Variants in SYN3 observed in about 807,000 individuals in gnomAD.
The protein encoded by SYN3 is synapsin-3.
In SYN3, 35 loss-of-function variants were observed where a neutral mutation model predicts 65.8. The observed-to-expected ratio is 0.53, with a 90% confidence interval of 0.41 to 0.70. The LOEUF is 0.70. Among genes scored for constraint, SYN3 ranks in the 30% least tolerant of loss-of-function variants. SYN3 has a pLI of 0.00. For missense variants in SYN3, 680 were observed against 749.0 expected (o/e 0.91, Z 1.08); for synonymous variants, 270 against 292.9 (o/e 0.92, Z 0.80).
chr22:32,943,709 C>T (rs956272753), intron 3 of SYN3, among the ~76,000 whole-genome samples: 18 of 152,216 alleles, frequency 1.2e-4, no homozygotes, highest in African/African-American at 3.1e-4. Context: ...ACCCATCTCA[C>T]GTGCAGAGAC....
At chr22:32,613,559 A>G (rs1179193172) in intron 6 of SYN3, among the ~76,000 whole-genome samples, 1 of 152,142 alleles carries the variant, frequency 6.6e-6, no homozygotes, top group Non-Finnish European at 1.5e-5. Context: ...CGTTTATTTG[A>G]GTTCCGTGAG....
chr22:32,789,219 T>C (rs117591009), intron 6 of SYN3, among the ~76,000 whole-genome samples: 275 of 152,348 alleles, frequency 1.8e-3, no homozygotes, highest in Middle Eastern at 3.4e-3. Context: ...TCTCCCCTTC[T>C]TTCCTCCTGA....
At chr22:32,812,282 T>C (rs1473401873) in intron 6 of SYN3, among the ~76,000 whole-genome samples, 1 of 152,236 alleles carries the variant, frequency 6.6e-6, no homozygotes, top group African/African-American at 2.4e-5. Flanking sequence ...GTTAGAAATA[T>C]GGTCTATTAA....
chr22:32,832,240 C>A (rs2047594067), intron 6 of SYN3, among the ~76,000 whole-genome samples: 1 of 152,166 alleles, frequency 6.6e-6, no homozygotes. Flanking sequence ...TAGAACATAG[C>A]AAACAGGAAG....
At chr22:32,800,986 T>A (rs2046556998) in intron 6 of SYN3, among the ~76,000 whole-genome samples, 1 of 152,214 alleles carries the variant, frequency 6.6e-6, no homozygotes, top group Non-Finnish European at 1.5e-5. Context: ...AAAATCACCC[T>A]GTGCATTCAT....
chr22:32,729,430 A>G (rs1489467570), intron 6 of SYN3, among the ~76,000 whole-genome samples: 1 of 152,176 alleles, frequency 6.6e-6, no homozygotes, highest in Non-Finnish European at 1.5e-5. Context: ...ACACATAATT[A>G]CAGCTGGTCA....
chr22:32,783,084 G>A (rs946998532), intron 6 of SYN3: 2 of 152,194 alleles, frequency 1.3e-5, no homozygotes, highest in African/African-American at 4.8e-5. Flanking sequence ...CCACAGCAGA[G>A]AACTAAGCTC....
intron 6 of SYN3, among the ~76,000 whole-genome samples, chr22:32,616,836 C>CAGTG (rs779463661): frequency 1.3e-5 from 2 of 152,146 alleles, no homozygotes; most frequent in Non-Finnish European, 2.9e-5. Flanking sequence ...GTATCATGGA[C>CAGTG]AGTGCATAGG....
chr22:33,009,866 A>G (rs1052573002), intron 1 of SYN3, among the ~76,000 whole-genome samples: 8 of 151,984 alleles, frequency 5.3e-5, no homozygotes, highest in Non-Finnish European at 1.0e-4. Flanking sequence ...TGATAAACAG[A>G]AACTTTTATT....
At chr22:32,589,616 C>T (rs537701467) in intron 7 of SYN3, among the ~76,000 whole-genome samples, 1 of 152,200 alleles carries the variant, frequency 6.6e-6, no homozygotes, top group Non-Finnish European at 1.5e-5. Flanking sequence ...GGGGGCAGTC[C>T]AGTAAGATGT....
chr22:32,668,189 T>C (rs1291475189), intron 6 of SYN3, among the ~76,000 whole-genome samples: 6 of 152,196 alleles, frequency 3.9e-5, no homozygotes. Context: ...AATCACCTCA[T>C]AGATGCAGAA....
chr22:32,572,642 G>A (rs2058794771), intron 7 of SYN3, among the ~76,000 whole-genome samples: 1 of 150,368 alleles, frequency 6.7e-6, no homozygotes, highest in Non-Finnish European at 1.5e-5. Flanking sequence ...GAGTACAATG[G>A]TGCAATGATA....
chr22:32,749,654 A>G (rs138067836), intron 6 of SYN3, among the ~76,000 whole-genome samples: 79 of 152,262 alleles, frequency 5.2e-4, no homozygotes, highest in Non-Finnish European at 1.0e-3. Flanking sequence ...AACAACAACA[A>G]CAACAAAAAT....
chr22:32,940,052 G>A (rs1601740003), intron 3 of SYN3, among the ~76,000 whole-genome samples: 1 of 152,204 alleles, frequency 6.6e-6, no homozygotes, highest in Non-Finnish European at 1.5e-5. Flanking sequence ...TTCTTCAGGT[G>A]GGTTGTGTAG....
Position 32,857,894 on chromosome 22 carries a change from A to C in SYN3, c.711+7021T>G, listed in dbSNP as rs2048416447. On this transcript the variant is annotated intron_variant, in intron 6 of 13. Transcript: ENST00000358763. ...GTGTTGGGTAGGGTGAAATAAAATC[A>C]TGGGTCTGAAAAGTACCCAGCCACA... 2.1e-6 allele frequency: 3 copies of C among 1,439,482 alleles called. No homozygotes were observed. In the Admixed American group the frequency reaches 5.1e-5, roughly 24 times the overall value. 89.2% of individuals were successfully genotyped at this position (1,439,482 alleles called of 1,614,324 possible). A position where few individuals can be genotyped will look rare whatever the true frequency, so the allele number is the denominator to read the frequency against.
At chr22:32,569,565 C>A (rs200455143) in intron 7 of SYN3, among the ~76,000 whole-genome samples, 8,611 of 55,244 alleles carry the variant, frequency 0.16, 347 homozygotes, top group Middle Eastern at 0.2. Flanking sequence ...CTCTCTCTCT[C>A]TCTCTCTATA....
chr22:32,923,629 T>C (rs1278914396), intron 4 of SYN3, among the ~76,000 whole-genome samples: 2 of 152,252 alleles, frequency 1.3e-5, no homozygotes, highest in African/African-American at 2.4e-5. Context: ...TGGGAGACCA[T>C]AGCTAGGACT....
chr22:32,929,784 G>A (rs2050576485), intron 4 of SYN3, among the ~76,000 whole-genome samples: 1 of 152,148 alleles, frequency 6.6e-6, no homozygotes, highest in Non-Finnish European at 1.5e-5. Flanking sequence ...GGCCCTGAGT[G>A]TTGATTTCTG....
intron 4 of SYN3, among the ~76,000 whole-genome samples, chr22:32,883,284 T>C (rs1004054994): frequency 6.6e-6 from 1 of 152,230 alleles, no homozygotes; most frequent in African/African-American, 2.4e-5. Context: ...TGCTTCCAGC[T>C]GCACCCTCCA....
Sources: gnomAD v4.1 joint callset for allele counts (sites outside exome capture counted in the v4.1 genomes callset) on GRCh38, gnomAD v4.1.1 for gene constraint, MANE v1.5 for transcripts, NCBI Gene and HGNC (gene_info 2026-07-23, HGNC 2026-07-21) for gene names.